EVC2: variants seen among roughly 807,000 people sequenced by gnomAD.
EVC2 encodes limbin.
In EVC2, 148 loss-of-function variants were observed where a neutral mutation model predicts 149.3. The observed-to-expected ratio is 0.99, with a 90% CI of 0.87 to 1.14. The LOEUF (loss-of-function observed/expected upper bound fraction) is 1.14. Ranked by LOEUF, EVC2 falls within the 50% of genes most tolerant of loss-of-function variation. The probability of loss-of-function intolerance (pLI) is 0.00; values close to 1 mark genes in which losing one functional copy is unlikely to be tolerated. For missense variants in EVC2, 1,854 were observed against 1,627.3 expected, an observed-to-expected ratio of 1.14 and a Z score of -2.40; for synonymous variants, 776 against 649.9, an observed-to-expected ratio of 1.19 and a Z score of -2.95.
At chr4:5,697,059 C>T (rs1260926081) in intron 2 of EVC2, among the ~76,000 whole-genome samples, 5 of 152,210 alleles carry the variant, frequency 3.3e-5, no homozygotes, top group African/African-American at 7.2e-5. Flanking sequence ...ATGCTGCTAG[C>T]TTCCAAAATG....
downstream of EVC2, among the ~76,000 whole-genome samples, chr4:5,537,842 C>T (rs542034667): frequency 6.6e-6 from 1 of 152,008 alleles, no homozygotes; most frequent in Admixed American, 6.6e-5. Context: ...GAAAAGAATT[C>T]TCAAGTCTAT....
chr4:5,552,466 T>C (rs1721755147), intron 21 of EVC2, among the ~76,000 whole-genome samples: 1 of 152,224 alleles, frequency 6.6e-6, no homozygotes, highest in Admixed American at 6.5e-5. Context: ...CAAATATTTA[T>C]GGATGAAATT....
At chr4:5,641,417 T>C (rs1175052350) in intron 9 of EVC2, among the ~76,000 whole-genome samples, 1 of 152,222 alleles carries the variant, frequency 6.6e-6, no homozygotes, top group Non-Finnish European at 1.5e-5. Flanking sequence ...GGGTTCAGGA[T>C]ACATGGGAAT....
At chr4:5,682,348 G>C (rs1720405493) in intron 6 of EVC2, among the ~76,000 whole-genome samples, 1 of 151,496 alleles carries the variant, frequency 6.6e-6, no homozygotes, top group African/African-American at 2.4e-5. Context: ...AAATTAGCTG[G>C]GTGTGGTGGC....
rs149662040 is a variant in EVC2 at position 5,700,470 on chromosome 4, C to T, written c.229-2823G>A. Among the ~76,000 whole-genome samples the T allele has an allele frequency of 1.5e-3, 224 of 152,312 alleles. 1 individual carries two copies. The highest frequency in any genetic ancestry group is 5.3e-3 in the African/African-American group (220 of 41,560). On this transcript the variant is annotated intron_variant, in intron 1 of 21. Transcript: ENST00000344408. The stretch of plus-strand genomic sequence containing the variant: ...AGGCACTGTGCTAGGGATCACATGT[C>T]AGGCAAAGCAGACCTGGCCCCTGAC...
intron 21 of EVC2, among the ~76,000 whole-genome samples, chr4:5,547,462 C>T (rs1443273949): frequency 1.3e-5 from 2 of 152,202 alleles, no homozygotes; most frequent in Admixed American, 1.3e-4. Context: ...GGCTGGGGGC[C>T]CAGCTGCCGG....
intron 3 of EVC2, among the ~76,000 whole-genome samples, chr4:5,692,885 A>AAG (rs1208930833): frequency 7.4e-6 from 1 of 135,974 alleles, no homozygotes; most frequent in African/African-American, 3.2e-5. Context: ...AAAAAAAAAA[A>AAG]AAAAAGAAAA....
At chr4:5,532,144 G>C in the EVC2 span, among the ~76,000 whole-genome samples, 3 of 152,016 alleles carry the variant, frequency 2.0e-5, no homozygotes, top group Non-Finnish European at 4.4e-5. Context: ...TTTACTTTAA[G>C]GAGGCTAAGA....
chr4:5,593,773 C>T (rs1215792872), intron 16 of EVC2, among the ~76,000 whole-genome samples: 1 of 152,180 alleles, frequency 6.6e-6, no homozygotes, highest in Non-Finnish European at 1.5e-5. Flanking sequence ...GAGGCATTGC[C>T]TCACTCGGGA....
chr4:5,655,802 G>C (rs772973233), intron 9 of EVC2, among the ~76,000 whole-genome samples: 1 of 151,236 alleles, frequency 6.6e-6, no homozygotes, highest in Non-Finnish European at 1.5e-5. Flanking sequence ...AGGGAGGGAG[G>C]GAGGACAGTT....
At position 5,663,238 on chromosome 4, in the gene EVC2, C is replaced by T; in HGVS notation, c.1014G>A (p.Gln338=). 6.2e-7 allele frequency: 1 copy of T among 1,614,114 alleles called. No homozygotes were observed. The highest frequency in any genetic ancestry group is 8.5e-7 in the Non-Finnish European group (1 of 1,179,992). ...GCAAGGGTTCCAGCTTGCTCTCATA[C>T]TGCCAAACCTTCAGGAGAATTGCGG... ...GNMLTRHRVW[Q]YESKLEPLPF... Residue 338 remains glutamine, a synonymous_variant, in exon 9 of 22, where the codon CAG becomes CAA. Coordinates refer to ENST00000344408, the MANE Select transcript of EVC2 (RefSeq NM_147127.5).
At chr4:5,616,545 A>G (rs1395173978) in intron 15 of EVC2, among the ~76,000 whole-genome samples, 6 of 152,220 alleles carry the variant, frequency 3.9e-5, no homozygotes, top group Non-Finnish European at 8.8e-5. Flanking sequence ...TGGGGAATGC[A>G]CTAAGCATCC....
At chr4:5,585,809 T>A (rs1187090789) in intron 16 of EVC2, among the ~76,000 whole-genome samples, 1 of 152,164 alleles carries the variant, frequency 6.6e-6, no homozygotes, top group Non-Finnish European at 1.5e-5. Context: ...TTCTAGAGTT[T>A]TTTTTTATAA....
chr4:5,598,323 A>C (rs1713644868), intron 16 of EVC2, among the ~76,000 whole-genome samples: 1 of 151,570 alleles, frequency 6.6e-6, no homozygotes, highest in African/African-American at 2.4e-5. Context: ...AAACTATACT[A>C]CAAGGCTACA....
intron 16 of EVC2, among the ~76,000 whole-genome samples, chr4:5,595,325 C>A (rs1370277421): frequency 6.6e-6 from 1 of 152,152 alleles, no homozygotes; most frequent in South Asian, 2.1e-4. Context: ...AGAGAAAGGT[C>A]GGGTTACCCT....
chr4:5,590,558 T>C (rs1029582979), intron 16 of EVC2, among the ~76,000 whole-genome samples: 9 of 152,172 alleles, frequency 5.9e-5, no homozygotes, highest in African/African-American at 1.7e-4. Flanking sequence ...TGCCTGACAC[T>C]GCCCCTCCTT....
In EVC2 at chr4:5,616,719, C is replaced by T. The variant is rs1055316299; in HGVS notation, c.2707-1175G>A. Among the ~76,000 whole-genome samples the T allele has an allele frequency of 5.9e-5, 9 of 152,212 alleles. No homozygotes were observed. In the East Asian group the frequency reaches 9.6e-4, roughly 16 times the overall value. On this transcript the variant is annotated intron_variant, in intron 15 of 21. Coordinates refer to ENST00000344408, the MANE Select transcript of EVC2 (RefSeq NM_147127.5). ...TGCCGCTATCTCGGGACTGAGCAAG[C>T]GAAGGGAGCTGCGGCTCCATCCGTG...
intron 7 of EVC2, among the ~76,000 whole-genome samples, chr4:5,668,599 T>C (rs913427165): frequency 6.6e-6 from 1 of 152,208 alleles, no homozygotes; most frequent in African/African-American, 2.4e-5. Flanking sequence ...GGAGGTTATG[T>C]CAAAATATTG....
downstream of EVC2, among the ~76,000 whole-genome samples, chr4:5,538,768 T>C (rs763177970): frequency 3.2e-4 from 49 of 152,150 alleles, no homozygotes; most frequent in South Asian, 4.1e-4. Context: ...CAAAATCCAA[T>C]GTCCATTTCT....
Sources: allele counts gnomAD v4.1 joint callset (sites outside exome capture counted in the v4.1 genomes callset), GRCh38; gene constraint gnomAD v4.1.1; transcripts MANE v1.5; gene names NCBI Gene and HGNC (gene_info 2026-07-23, HGNC 2026-07-21).